KRABD3: variants seen among roughly 807,000 people sequenced by gnomAD.
The protein encoded by KRABD3 is KRAB domain-containing protein 3.
chr7:149,731,774 CA>C, the KRABD3 span: 1 of 1,606,604 alleles, frequency 6.2e-7, no homozygotes, highest in Admixed American at 1.7e-5. Flanking sequence ...CCCAGAGTTG[CA>C]GGTGAACTGG....
the KRABD3 span, chr7:149,726,081 G>A: frequency 5.6e-6 from 9 of 1,596,918 alleles, no homozygotes; most frequent in Non-Finnish European, 7.7e-6. Context: ...CCAGCCCGAG[G>A]CTGGGGTTCA....
the KRABD3 span, among the ~76,000 whole-genome samples, chr7:149,719,044 C>A: frequency 6.6e-6 from 1 of 152,216 alleles, no homozygotes; most frequent in South Asian, 2.1e-4. This position sits in a 1 kb window ranked among gnomAD's most constrained non-coding sequence, Gnocchi z 5.6. Context: ...GCCCTGCAGA[C>A]CCGAAGCCCT....
the KRABD3 span, chr7:149,725,631 A>G: frequency 1.1e-6 from 1 of 901,376 alleles, no homozygotes; most frequent in East Asian, 2.7e-5. Context: ...ACTCACTCCC[A>G]AACAGCCGCC....
chr7:149,724,261 C>T, the KRABD3 span, among the ~76,000 whole-genome samples: 1 of 152,128 alleles, frequency 6.6e-6, no homozygotes, highest in Admixed American at 6.5e-5. Context: ...AGCTGGGAAC[C>T]CCAAATCCTA....
chr7:149,726,592 C>T, the KRABD3 span, among the ~76,000 whole-genome samples: 3 of 151,976 alleles, frequency 2.0e-5, no homozygotes, highest in Non-Finnish European at 2.9e-5. Flanking sequence ...TGTCCGCCAC[C>T]GTGCCCAGCT....
the KRABD3 span, among the ~76,000 whole-genome samples, chr7:149,717,383 C>T: frequency 1.6e-4 from 24 of 152,354 alleles, no homozygotes; most frequent in African/African-American, 5.5e-4. Flanking sequence ...GGCAAGCAGG[C>T]CTTCCTAAGG....
At chr7:149,732,685 G>T in the KRABD3 span, among the ~76,000 whole-genome samples, 1 of 152,206 alleles carries the variant, frequency 6.6e-6, no homozygotes, top group Admixed American at 6.5e-5. This position sits in a 1 kb window ranked among gnomAD's most constrained non-coding sequence, Gnocchi z 4.0. Flanking sequence ...AAAAGCAGAA[G>T]GGGGTGGGAA....
chr7:149,729,518 A>G, the KRABD3 span: 2 of 1,257,630 alleles, frequency 1.6e-6, no homozygotes, highest in Non-Finnish European at 1.0e-6. Flanking sequence ...ACAGAAACTG[A>G]GGTTCGCTAA....
At chr7:149,720,808 G>T in the KRABD3 span, 2 of 1,551,718 alleles carry the variant, frequency 1.3e-6, no homozygotes, top group African/African-American at 1.4e-5. Context: ...GCAGGGGTGC[G>T]GGGGGGTCAC....
At chr7:149,727,871 C>T in the KRABD3 span, among the ~76,000 whole-genome samples, 1 of 152,196 alleles carries the variant, frequency 6.6e-6, no homozygotes, top group East Asian at 1.9e-4. Flanking sequence ...CTCTGCCCTT[C>T]CAGCCTGTGG....
chr7:149,729,492 CA>C, the KRABD3 span: 1 of 1,265,036 alleles, frequency 7.9e-7, no homozygotes, highest in Non-Finnish European at 1.0e-6. Context: ...CCCCAGAGGA[CA>C]GAAGCTGGTG....
chr7:149,728,824 A>C, the KRABD3 span: 1 of 883,410 alleles, frequency 1.1e-6, no homozygotes, highest in East Asian at 2.7e-5. Context: ...CCAGAAAGCC[A>C]GATAGTCTGC....
the KRABD3 span, chr7:149,729,762 A>T: frequency 1.0e-6 from 1 of 985,320 alleles, no homozygotes; most frequent in Non-Finnish European, 1.2e-6. Context: ...TCAGACGAGG[A>T]TGGGCCCTAA....
the KRABD3 span, among the ~76,000 whole-genome samples, chr7:149,716,065 A>C: frequency 0.28 from 42,331 of 151,996 alleles, 7,491 homozygotes; most frequent in African/African-American, 0.5. Context: ...AGGTCACTGT[A>C]AGGTGGAGAG....
chr7:149,728,486 A>G, the KRABD3 span: 2 of 1,606,482 alleles, frequency 1.2e-6, no homozygotes, highest in East Asian at 2.2e-5. Flanking sequence ...AGATTGAGCT[A>G]CAGTCCCCCT....
At chr7:149,731,715 G>C in the KRABD3 span, 4 of 1,612,474 alleles carry the variant, frequency 2.5e-6, no homozygotes, top group Non-Finnish European at 3.4e-6. Flanking sequence ...TGGAGAAAAG[G>C]CCCAGGGTTA....
At chr7:149,721,652 T>G in the KRABD3 span, 1 of 1,154,764 alleles carries the variant, frequency 8.7e-7, no homozygotes, top group South Asian at 1.3e-5. Context: ...GTTCCCCTGT[T>G]GTGCTGTTCT....
At chr7:149,729,502 T>A in the KRABD3 span, 1 of 1,259,524 alleles carries the variant, frequency 7.9e-7, no homozygotes, top group Non-Finnish European at 1.0e-6. Flanking sequence ...CAGAAGCTGG[T>A]GCCAAACAGA....
chr7:149,728,279 C>T, the KRABD3 span, among the ~76,000 whole-genome samples: 1 of 152,232 alleles, frequency 6.6e-6, no homozygotes, highest in African/African-American at 2.4e-5. Flanking sequence ...GAGCCCACAC[C>T]TGTGGCCAAC....
Sources: gnomAD v4.1 joint callset for allele counts (sites outside exome capture counted in the v4.1 genomes callset) on GRCh38, gnomAD v4.1.1 for gene constraint, Gnocchi (gnomAD v3.1) non-coding constraint, MANE v1.5 for transcripts, NCBI Gene and HGNC (gene_info 2026-07-23, HGNC 2026-07-21) for gene names.